The following GPC3 variants were observed in gnomAD, a reference collection of about 807,000 sequenced individuals.
GPC3 encodes glypican 3, also known as glypican-3.
Under a neutral mutation model 34.4 loss-of-function variants are expected in GPC3, and 3 were observed. That is an observed-to-expected ratio of 0.09 (90% CI 0.04 to 0.23). The LOEUF is 0.23. Among genes scored for constraint, GPC3 ranks in the 10% least tolerant of loss-of-function variants. The pLI is 1.00. For missense variants in GPC3, 351 were observed against 445.6 expected, an observed-to-expected ratio of 0.79 and a Z score of 1.91; for synonymous variants, 177 against 174.0, an observed-to-expected ratio of 1.02 and a Z score of -0.13.
chrX:133,899,904 G>A (rs1355496602), intron 2 of GPC3, among the ~76,000 whole-genome samples: 1 of 111,626 alleles, frequency 9.0e-6, no homozygotes, highest in Non-Finnish European at 1.9e-5. Flanking sequence ...CTGGGTTCAA[G>A]CAATTCTCTT....
intron 7 of GPC3, among the ~76,000 whole-genome samples, chrX:133,549,229 A>T (rs180938392): frequency 1.8e-4 from 20 of 110,918 alleles, no homozygotes; most frequent in Non-Finnish European, 3.8e-4. Flanking sequence ...ACCGCCACCC[A>T]CAGTCCTCAA....
chrX:133,788,088 T>TTTTATATATATATA (rs1291090668), intron 2 of GPC3, among the ~76,000 whole-genome samples: 13 of 64,913 alleles, frequency 2.0e-4, no homozygotes, highest in South Asian at 1.1e-3. Flanking sequence ...TCATATTATT[T>TTTTATATATATATA]TATATATATA....
intron 2 of GPC3, among the ~76,000 whole-genome samples, chrX:133,868,251 TA>T (rs1396469344): frequency 8.9e-6 from 1 of 112,030 alleles, no homozygotes; most frequent in Admixed American, 9.4e-5. Context: ...GCACTCACCC[TA>T]GCTCCTGCTC....
intron 2 of GPC3, among the ~76,000 whole-genome samples, chrX:133,945,255 G>A (rs1431582664): frequency 9.0e-6 from 1 of 111,376 alleles, no homozygotes; most frequent in Admixed American, 9.6e-5. Context: ...GCCCTGTGTG[G>A]TGGCACATTC....
chrX:133,914,530 C>G (rs190608273), intron 2 of GPC3, among the ~76,000 whole-genome samples: 9 of 110,915 alleles, frequency 8.1e-5, no homozygotes, highest in African/African-American at 3.0e-4. Context: ...CTCTTGACCC[C>G]ATTATATTTT....
At chrX:133,759,858 A>G (rs950080316) in intron 2 of GPC3, among the ~76,000 whole-genome samples, 1 of 111,657 alleles carries the variant, frequency 9.0e-6, no homozygotes, top group Non-Finnish European at 1.9e-5. Context: ...GACAAGCCAC[A>G]GACTAAGAGA....
chrX:133,948,823 T>C (rs1291555934), intron 2 of GPC3, among the ~76,000 whole-genome samples: 2 of 111,813 alleles, frequency 1.8e-5, no homozygotes, highest in Non-Finnish European at 3.8e-5. Context: ...GCTGTTTGCA[T>C]ATATATCATC....
chrX:133,717,450 G>A (rs900183077), intron 3 of GPC3, among the ~76,000 whole-genome samples: 1 of 111,074 alleles, frequency 9.0e-6, no homozygotes, highest in African/African-American at 3.3e-5. Flanking sequence ...GTTAAAGATC[G>A]ACCTCTGACC....
intron 7 of GPC3, among the ~76,000 whole-genome samples, chrX:133,570,412 G>C (rs1030000959): frequency 9.2e-6 from 1 of 108,958 alleles, no homozygotes; most frequent in Non-Finnish European, 1.9e-5. Context: ...TGTTGGTCAG[G>C]CTGGTCTCAA....
chrX:133,734,928 G>A (rs2071496011), intron 3 of GPC3, among the ~76,000 whole-genome samples: 1 of 111,937 alleles, frequency 8.9e-6, no homozygotes, highest in African/African-American at 3.2e-5. Flanking sequence ...CAAAAGAAGT[G>A]CAAGGCTTTT....
intron 6 of GPC3, among the ~76,000 whole-genome samples, chrX:133,633,683 T>A (rs1461488431): frequency 8.9e-6 from 1 of 112,100 alleles, no homozygotes; most frequent in Non-Finnish European, 1.9e-5. Context: ...ATGTACCTCA[T>A]GAAACAACTA....
intron 3 of GPC3, among the ~76,000 whole-genome samples, chrX:133,733,486 G>A (rs1047443075): frequency 7.2e-5 from 8 of 110,763 alleles, no homozygotes; most frequent in African/African-American, 2.3e-4. Flanking sequence ...GAAGACACTA[G>A]AAAGAAGAGC....
intron 7 of GPC3, among the ~76,000 whole-genome samples, chrX:133,593,154 C>G (rs759112391): frequency 2.8e-5 from 3 of 107,888 alleles, no homozygotes; most frequent in Admixed American, 9.9e-5. Flanking sequence ...ATGGCAAAAC[C>G]CTGTCTCTAC....
chrX:133,675,273 C>CA (rs1193861185), intron 5 of GPC3, among the ~76,000 whole-genome samples: 1 of 111,997 alleles, frequency 8.9e-6, no homozygotes, highest in African/African-American at 3.2e-5. Flanking sequence ...CTCAAACCTT[C>CA]AACCTGCAGA....
At chrX:133,847,925 A>T (rs745849241) in intron 2 of GPC3, among the ~76,000 whole-genome samples, 28 of 112,411 alleles carry the variant, frequency 2.5e-4, no homozygotes, top group African/African-American at 8.7e-4. Flanking sequence ...AAGAACAGCT[A>T]TTTGCAGGGA....
At chrX:133,558,715 AC>A (rs1470256401) in intron 7 of GPC3, among the ~76,000 whole-genome samples, 6 of 109,079 alleles carry the variant, frequency 5.5e-5, no homozygotes, top group African/African-American at 1.7e-4. Flanking sequence ...AGATGGTGAA[AC>A]CCTGTCTCTA....
intron 2 of GPC3, among the ~76,000 whole-genome samples, chrX:133,897,513 G>C (rs1294211524): frequency 1.5e-4 from 16 of 109,545 alleles, no homozygotes; most frequent in Non-Finnish European, 3.8e-5. Context: ...CAACCCCCTT[G>C]TATATAAGGA....
At chrX:133,868,092 C>T (rs778548627) in intron 2 of GPC3, among the ~76,000 whole-genome samples, 3 of 111,845 alleles carry the variant, frequency 2.7e-5, no homozygotes, top group Non-Finnish European at 5.6e-5. Context: ...AAAGCTGTCA[C>T]ACTGGCCCTC....
chrX:133,860,505 C>T (rs757329534), intron 2 of GPC3, among the ~76,000 whole-genome samples: 3 of 111,765 alleles, frequency 2.7e-5, no homozygotes, highest in African/African-American at 9.8e-5. Context: ...TGAGTGCTTA[C>T]GTCCAGGCTC....
Sources: allele counts gnomAD v4.1 joint callset (sites outside exome capture counted in the v4.1 genomes callset), GRCh38; gene constraint gnomAD v4.1.1; transcripts MANE v1.5; gene names NCBI Gene and HGNC (gene_info 2026-07-23, HGNC 2026-07-21).